ADGRL2: variants seen among roughly 807,000 people sequenced by gnomAD.
ADGRL2 encodes adhesion G protein-coupled receptor L2, also known as calcium-independent alpha-latrotoxin receptor 2.
In ADGRL2, 44 loss-of-function variants were observed where a neutral mutation model predicts 157.4. The observed-to-expected ratio is 0.28, with a 90% CI of 0.22 to 0.36. The LOEUF (loss-of-function observed/expected upper bound fraction) is 0.36, where lower values mean the gene tolerates loss of function less well. Ranked by LOEUF, ADGRL2 falls within the 10% of genes least tolerant of loss-of-function variation. ADGRL2 has a pLI of 1.00. For missense variants in ADGRL2, 1,510 were observed against 1,768.9 expected (o/e 0.85, Z 2.63); for synonymous variants, 585 against 624.7 (o/e 0.94, Z 0.95).
At chr1:81,345,450 G>A (rs1269368840) in intron 1 of ADGRL2, among the ~76,000 whole-genome samples, 1 of 152,116 alleles carries the variant, frequency 6.6e-6, no homozygotes, top group Non-Finnish European at 1.5e-5. Context: ...CTGCTACATT[G>A]TCTCATCTAT....
intron 1 of ADGRL2, among the ~76,000 whole-genome samples, chr1:81,826,799 CCACTT>C (rs987176618): frequency 1.3e-5 from 2 of 152,120 alleles, no homozygotes; most frequent in East Asian, 1.9e-4. Context: ...TTACAGTAAT[CCACTT>C]CACTTCCAGT....
chr1:81,348,514 G>A (rs559275495), intron 1 of ADGRL2, among the ~76,000 whole-genome samples: 1 of 152,100 alleles, frequency 6.6e-6, no homozygotes, highest in African/African-American at 2.4e-5. Flanking sequence ...TTTATTAAAC[G>A]CTTCAGAGGA....
intron 4 of ADGRL2, among the ~76,000 whole-genome samples, chr1:81,941,311 C>A (rs189641195): frequency 1.5e-4 from 23 of 151,476 alleles, no homozygotes; most frequent in Admixed American, 7.9e-4. Flanking sequence ...GAGAAAGGTA[C>A]TACCTTACCC....
In ADGRL2 at chr1:81,971,916, C is replaced by G. The variant is rs768974699; in HGVS notation, c.3019C>G (p.Leu1007Val). ...SFIGPVTFII[L>V]LNIIFLVITL... ...CATTGGACCTGTTACCTTCATTATT[C>G]TGGTAAGCAGGTTCTGTTTTCCCTT... The change falls in exon 17 of 24, where the codon CTG (leucine) becomes GTG (valine). Residue 1007 changes from leucine to valine, a missense_variant and splice_region_variant. Leu to Val is a conservative substitution (Grantham distance 32, BLOSUM62 1). Transcript: ENST00000686636. 6.2e-7 allele frequency: 1 copy of G among 1,608,172 alleles called. No homozygotes were observed. The highest frequency in any genetic ancestry group is 8.5e-7 in the Non-Finnish European group (1 of 1,175,756).
chr1:81,807,742 A>G (rs1446127101), intron 1 of ADGRL2, among the ~76,000 whole-genome samples: 2 of 151,806 alleles, frequency 1.3e-5, no homozygotes, highest in Middle Eastern at 3.2e-3. Context: ...TAAGCATGTT[A>G]AGTATAGAAA....
chr1:81,306,960 A>G (rs1270276517), intron 1 of ADGRL2, among the ~76,000 whole-genome samples: 1 of 152,256 alleles, frequency 6.6e-6, no homozygotes, highest in Non-Finnish European at 1.5e-5. Context: ...AACAGCAACA[A>G]AATAATAGAT....
intron 1 of ADGRL2, among the ~76,000 whole-genome samples, chr1:81,751,498 C>T (rs188737894): frequency 6.6e-6 from 1 of 152,272 alleles, no homozygotes; most frequent in East Asian, 1.9e-4. Context: ...AACAAACTAA[C>T]TCACAATCTT....
intron 2 of ADGRL2, chr1:81,515,000 C>G (rs935244833): frequency 2.0e-5 from 3 of 152,188 alleles, no homozygotes; most frequent in African/African-American, 7.2e-5. Flanking sequence ...TAAATATTAA[C>G]AGCATATTGT....
intron 1 of ADGRL2, among the ~76,000 whole-genome samples, chr1:81,352,625 T>C (rs1662982368): frequency 6.6e-6 from 1 of 152,192 alleles, no homozygotes; most frequent in Non-Finnish European, 1.5e-5. Context: ...ATTAGTGTTA[T>C]ATGGCCTTCC....
chr1:81,881,011 A>G (rs1024896745), intron 2 of ADGRL2, among the ~76,000 whole-genome samples: 15 of 152,322 alleles, frequency 9.8e-5, no homozygotes, highest in African/African-American at 2.2e-4. Context: ...AAATGCCAGT[A>G]TACTCATATT....
chr1:81,416,316 CA>C (rs61343094), intron 1 of ADGRL2, among the ~76,000 whole-genome samples: 51 of 141,210 alleles, frequency 3.6e-4, no homozygotes, highest in Admixed American at 5.6e-4. Flanking sequence ...AACCTTCTTG[CA>C]AAAAAAAAAA....
At chr1:81,309,085 T>C (rs879855886) in intron 1 of ADGRL2, among the ~76,000 whole-genome samples, 1 of 152,166 alleles carries the variant, frequency 6.6e-6, no homozygotes, top group Non-Finnish European at 1.5e-5. Context: ...AAGTTTTATC[T>C]AACTTCAGGA....
chr1:81,452,924 A>T (rs1265978905), intron 2 of ADGRL2, among the ~76,000 whole-genome samples: 1 of 152,194 alleles, frequency 6.6e-6, no homozygotes, highest in Non-Finnish European at 1.5e-5. Flanking sequence ...GACAATCAAG[A>T]CACGGCAATA....
At chr1:81,333,619 T>A (rs750363910) in intron 1 of ADGRL2, among the ~76,000 whole-genome samples, 11 of 152,080 alleles carry the variant, frequency 7.2e-5, no homozygotes, top group Non-Finnish European at 1.5e-4. Context: ...TGTTTCACCA[T>A]CTTGGCCAGG....
chr1:81,382,619 A>T (rs2076362748), intron 1 of ADGRL2, among the ~76,000 whole-genome samples: 1 of 152,226 alleles, frequency 6.6e-6, no homozygotes. Context: ...AATAAAGAAC[A>T]TTAACTAAGA....
intron 2 of ADGRL2, among the ~76,000 whole-genome samples, chr1:81,576,685 T>C (rs555413992): frequency 4.7e-4 from 72 of 152,200 alleles, no homozygotes; most frequent in African/African-American, 1.7e-3. Flanking sequence ...TTCTGCAGCT[T>C]GCAACATTGG....
At chr1:81,422,836 T>C (rs543181482) in intron 1 of ADGRL2, among the ~76,000 whole-genome samples, 4 of 152,334 alleles carry the variant, frequency 2.6e-5, no homozygotes, top group Admixed American at 2.6e-4. Context: ...CTGGAATATA[T>C]TAAAGCTTTT....
chr1:81,657,898 C>T (rs906498851), intron 3 of ADGRL2, among the ~76,000 whole-genome samples: 2 of 151,992 alleles, frequency 1.3e-5, no homozygotes, highest in Non-Finnish European at 2.9e-5. Context: ...ATCATAGAAC[C>T]TTTTTGTTCT....
Position 81,966,052 on chromosome 1 carries a change from A to C in ADGRL2, c.2018-6A>C. 4 of 1,613,588 alleles carry C rather than the reference A, an allele frequency of 2.5e-6. No individual in the cohort carries two copies. Among genetic ancestry groups the C allele is most frequent in the Non-Finnish European group, 3.4e-6 (4 of 1,179,726 alleles). ...CCCCACCTCCTTTATCTTTTCCCTCATCCAGTCCTGGAAGTTGCCGTACTC... is the reference window on the plus strand; with the variant it reads ...CCCCACCTCCTTTATCTTTTCCCTCCTCCAGTCCTGGAAGTTGCCGTACTC... On this transcript the variant is annotated splice_region_variant and splice_polypyrimidine_tract_variant and intron_variant, in intron 11 of 23. Coordinates refer to ENST00000686636, the MANE Select transcript of ADGRL2 (RefSeq NM_001366006.2).
Sources: allele counts gnomAD v4.1 joint callset (sites outside exome capture counted in the v4.1 genomes callset), GRCh38; gene constraint gnomAD v4.1.1; transcripts MANE v1.5; gene names NCBI Gene and HGNC (gene_info 2026-07-23, HGNC 2026-07-21).